Variants in MCTP1 observed in about 807,000 individuals in gnomAD.
MCTP1 encodes the protein multiple C2 and transmembrane domain-containing protein 1.
A neutral mutation model predicts 120.6 loss-of-function variants in MCTP1; 69 were observed. The ratio of observed to expected loss-of-function variants is 0.57; its 90% CI spans 0.47 to 0.70. The LOEUF (loss-of-function observed/expected upper bound fraction) is 0.70. Ranked by LOEUF, MCTP1 falls within the 30% of genes least tolerant of loss-of-function variation. The pLI is 0.00. For missense variants in MCTP1, 1,203 were observed against 1,248.8 expected (o/e 0.96, Z 0.55); for synonymous variants, 529 against 493.1 (o/e 1.07, Z -0.96).
At chr5:95,023,987 A>C (rs535761878) in intron 1 of MCTP1, 2 of 371,010 alleles carry the variant, frequency 5.4e-6, no homozygotes, top group African/African-American at 4.3e-5. Context: ...GCCTTCGTCT[A>C]TTTTGGACAC....
At chr5:95,016,151 C>T (rs1466451286) in intron 2 of MCTP1, among the ~76,000 whole-genome samples, 1 of 151,966 alleles carries the variant, frequency 6.6e-6, no homozygotes, top group Admixed American at 6.6e-5. Context: ...TTATCAATCA[C>T]ATATTTCCTC....
At chr5:94,893,622 A>G (rs982355156) in intron 11 of MCTP1, among the ~76,000 whole-genome samples, 2 of 152,248 alleles carry the variant, frequency 1.3e-5, no homozygotes, top group African/African-American at 4.8e-5. Flanking sequence ...GCTGAAGCGC[A>G]CATCCTGCTA....
At chr5:94,748,515 T>A (rs967889497) in intron 19 of MCTP1, among the ~76,000 whole-genome samples, 9 of 152,226 alleles carry the variant, frequency 5.9e-5, no homozygotes, top group Admixed American at 5.2e-4. Flanking sequence ...GATTGCCTGA[T>A]CTCTTTAGTC....
chr5:95,226,464 G>A (rs886974939), intron 1 of MCTP1, among the ~76,000 whole-genome samples: 3 of 152,152 alleles, frequency 2.0e-5, no homozygotes, highest in African/African-American at 7.2e-5. Context: ...CTGTGTGACA[G>A]GTGCAGGATT....
intron 17 of MCTP1, among the ~76,000 whole-genome samples, chr5:94,856,037 A>C (rs185817969): frequency 6.6e-6 from 1 of 151,878 alleles, no homozygotes; most frequent in East Asian, 1.9e-4. Flanking sequence ...AAATACATTT[A>C]GGAACTGTAC....
At chr5:95,043,905 C>G (rs1207420370) in intron 1 of MCTP1, among the ~76,000 whole-genome samples, 2 of 152,190 alleles carry the variant, frequency 1.3e-5, no homozygotes, top group African/African-American at 4.8e-5. Flanking sequence ...CAGGCATTCT[C>G]TCCATTTCCA....
intron 1 of MCTP1, among the ~76,000 whole-genome samples, chr5:95,080,489 A>G (rs1203020843): frequency 1.3e-5 from 2 of 152,216 alleles, no homozygotes; most frequent in Non-Finnish European, 2.9e-5. Context: ...AACCGTTAGC[A>G]GACACATTTT....
intron 1 of MCTP1, among the ~76,000 whole-genome samples, chr5:95,163,093 A>G (rs1745931353): frequency 6.6e-6 from 1 of 152,186 alleles, no homozygotes; most frequent in African/African-American, 2.4e-5. Context: ...AATTTATCCA[A>G]AATACATGCT....
At chr5:95,151,621 T>C (rs551017955) in intron 1 of MCTP1, among the ~76,000 whole-genome samples, 1 of 152,344 alleles carries the variant, frequency 6.6e-6, no homozygotes, top group Non-Finnish European at 1.5e-5. Flanking sequence ...CATTCCACTA[T>C]AGTCCCCTAC....
At chr5:94,886,057 T>C (rs1801265408) in intron 12 of MCTP1, among the ~76,000 whole-genome samples, 1 of 152,180 alleles carries the variant, frequency 6.6e-6, no homozygotes, top group Non-Finnish European at 1.5e-5. Flanking sequence ...AAGAAAAAAC[T>C]ACCCTCGACT....
At chr5:94,775,684 A>G (rs532532714) in intron 19 of MCTP1, among the ~76,000 whole-genome samples, 1 of 152,182 alleles carries the variant, frequency 6.6e-6, no homozygotes, top group South Asian at 2.1e-4. Context: ...GTGCTACTAC[A>G]TAATGCAGAT....
At chr5:94,748,298 G>T (rs986739940) in intron 19 of MCTP1, among the ~76,000 whole-genome samples, 2 of 152,188 alleles carry the variant, frequency 1.3e-5, no homozygotes, top group Non-Finnish European at 2.9e-5. Context: ...GTACAGTTAG[G>T]ACTCAGAGCT....
Position 95,154,877 on chromosome 5 carries a change from T to C in MCTP1, c.720+128979A>G, listed in dbSNP as rs763368470. Among the ~76,000 whole-genome samples the C allele has an allele frequency of 3.5e-4, 54 of 152,226 alleles. No homozygotes were observed. The South Asian group carries it at 5.8e-3, about 16-fold the overall frequency. The stretch of plus-strand genomic sequence containing the variant: ...TTGTCATTTCCATGATTTATTAAGG[T>C]TAGCCTTGATGGATATCTTATTTAG... On this transcript the variant is annotated intron_variant, in intron 1 of 22. Transcript: ENST00000515393.
At chr5:95,180,051 G>A (rs1005057020) in intron 1 of MCTP1, among the ~76,000 whole-genome samples, 3 of 152,074 alleles carry the variant, frequency 2.0e-5, no homozygotes, top group Non-Finnish European at 4.4e-5. Flanking sequence ...AAGACAAAGA[G>A]GGACATTATA....
intron 1 of MCTP1, among the ~76,000 whole-genome samples, chr5:95,076,299 C>A (rs59257624): frequency 7.9e-5 from 12 of 152,266 alleles, no homozygotes; most frequent in African/African-American, 2.9e-4. Context: ...CTACTGTACA[C>A]ATTTGCCATG....
chr5:94,940,234 A>T (rs1817245144), intron 4 of MCTP1, 39 bp from the exon 5 acceptor site: 1 of 1,160,858 alleles, frequency 8.6e-7, no homozygotes, highest in African/African-American at 1.5e-5. Context: ...CAGTCATTAA[A>T]TGAATAAGCC....
intron 17 of MCTP1, among the ~76,000 whole-genome samples, chr5:94,850,931 G>A (rs1254779410): frequency 3.9e-5 from 6 of 152,052 alleles, no homozygotes. Flanking sequence ...ACTCCACATA[G>A]CTTTCAAAAT....
chr5:94,979,070 C>T (rs1480247039), intron 2 of MCTP1: 1 of 151,948 alleles, frequency 6.6e-6, no homozygotes, highest in Non-Finnish European at 1.5e-5. Context: ...CCATAGAGGA[C>T]AATGAATAAG....
chr5:95,011,613 A>C (rs76716921), intron 2 of MCTP1, among the ~76,000 whole-genome samples: 2 of 149,986 alleles, frequency 1.3e-5, no homozygotes, highest in African/African-American at 4.9e-5. Flanking sequence ...TTCCTCCCTC[A>C]CTCTCTCTCT....
Sources: gnomAD v4.1 joint callset for allele counts (sites outside exome capture counted in the v4.1 genomes callset) on GRCh38, gnomAD v4.1.1 for gene constraint, MANE v1.5 for transcripts, NCBI Gene and HGNC (gene_info 2026-07-23, HGNC 2026-07-21) for gene names.